DNAJB1: variants seen among roughly 807,000 people sequenced by gnomAD.
The protein encoded by DNAJB1 is dnaJ homolog subfamily B member 1.
In DNAJB1, 14 loss-of-function variants were observed where a neutral mutation model predicts 24.0. The ratio of observed to expected loss-of-function variants is 0.58; its 90% CI spans 0.39 to 0.91. The LOEUF is 0.91. Among genes scored for constraint, DNAJB1 ranks in the 40% least tolerant of loss-of-function variants. The pLI is 0.00. For missense variants in DNAJB1, 517 were observed against 458.1 expected (o/e 1.13, Z -1.17); for synonymous variants, 262 against 174.4 (o/e 1.50, Z -3.96).
In DNAJB1 at chr19:14,516,190, G is replaced by A. The variant is rs2072257981; in HGVS notation, c.793-20C>T. On this transcript the variant is annotated intron_variant, in intron 2 of 2. Coordinates refer to ENST00000254322, the MANE Select transcript of DNAJB1 (RefSeq NM_006145.3). The stretch of plus-strand genomic sequence containing the variant: ...CAGAGCCTTGAAAAGCAAAAGGACA[G>A]CATTAGATGGAAGCTGGCTCAAGAG... 1 of 1,612,700 alleles carries A rather than the reference G, an allele frequency of 6.2e-7. No individual in the cohort carries two copies. Among genetic ancestry groups the A allele is most frequent in the Non-Finnish European group, 8.5e-7 (1 of 1,179,520 alleles).
chr19:14,547,115 AAGAG>A (rs58601549), intron 1 of DNAJB1, among the ~76,000 whole-genome samples: 75 of 152,180 alleles, frequency 4.9e-4, no homozygotes, highest in Non-Finnish European at 8.5e-4. Context: ...TCAAAGCAAA[AAGAG>A]AGCCAATGTT....
chr19:14,558,673 C>T (rs2073816249), intron 1 of DNAJB1, among the ~76,000 whole-genome samples: 2 of 152,200 alleles, frequency 1.3e-5, no homozygotes, highest in African/African-American at 4.8e-5. Flanking sequence ...TGGTCTCACC[C>T]CTTGCCCGTG....
intron 1 of DNAJB1, among the ~76,000 whole-genome samples, chr19:14,550,171 C>T (rs1022611491): frequency 2.6e-5 from 4 of 152,024 alleles, no homozygotes; most frequent in African/African-American, 7.2e-5. Flanking sequence ...CAGGGCCTGG[C>T]ATGTGTCAGT....
chr19:14,558,002 G>T (rs1181899945), intron 1 of DNAJB1, among the ~76,000 whole-genome samples: 1 of 150,488 alleles, frequency 6.6e-6, no homozygotes, highest in South Asian at 2.1e-4. Flanking sequence ...TGATTCGCCC[G>T]CCTCGGCCTC....
At chr19:14,531,201 A>T (rs2072640801), upstream of DNAJB1, 1 of 147,640 alleles carries the variant, frequency 6.8e-6, no homozygotes, top group Non-Finnish European at 1.5e-5. Flanking sequence ...TGCCCGGCTA[A>T]TTTTTTGTAT....
upstream of DNAJB1, among the ~76,000 whole-genome samples, chr19:14,518,705 T>C (rs1599382766): frequency 6.6e-6 from 1 of 152,086 alleles, no homozygotes; most frequent in Non-Finnish European, 1.5e-5. Flanking sequence ...CGGCCCCAGC[T>C]ACCCTGCGTC....
chr19:14,521,509 G>A (rs2072359716), upstream of DNAJB1, among the ~76,000 whole-genome samples: 1 of 149,932 alleles, frequency 6.7e-6, no homozygotes, highest in Non-Finnish European at 1.5e-5. Context: ...TTGACACACT[G>A]GAGGGGAACA....
At chr19:14,560,143 C>T (rs1291464170) in exon 1 of DNAJB1, among the ~76,000 whole-genome samples, 2 of 152,230 alleles carry the variant, frequency 1.3e-5, no homozygotes. Flanking sequence ...CGCAGCCCGG[C>T]GTCCTCTCCC....
At chr19:14,551,977 CTCT>C (rs2073538064), upstream of DNAJB1, among the ~76,000 whole-genome samples, 1 of 111,234 alleles carries the variant, frequency 9.0e-6, no homozygotes, top group Non-Finnish European at 1.8e-5. Context: ...CTCTCTTTCT[CTCT>C]TTTTTTTTTT....
At chr19:14,555,464 T>TTA in intron 1 of DNAJB1, among the ~76,000 whole-genome samples, 2 of 136,534 alleles carry the variant, frequency 1.5e-5, no homozygotes, top group Non-Finnish European at 3.1e-5. Context: ...TTTTTTTTTT[T>TTA]AGACAGAGCC....
chr19:14,550,019 T>A (rs1302437638), intron 1 of DNAJB1, among the ~76,000 whole-genome samples: 1 of 152,066 alleles, frequency 6.6e-6, no homozygotes. Context: ...CCTTTCTTTC[T>A]TCTTTCCATG....
chr19:14,555,049 T>C (rs1396250921), upstream of DNAJB1, among the ~76,000 whole-genome samples: 1 of 151,790 alleles, frequency 6.6e-6, no homozygotes. Context: ...AGTGCTGGGA[T>C]TACAGGCGTG....
chr19:14,540,903 C>T (rs998395137), intron 1 of DNAJB1, among the ~76,000 whole-genome samples: 12 of 151,886 alleles, frequency 7.9e-5, no homozygotes, highest in African/African-American at 2.7e-4. Flanking sequence ...AGAGTGATCT[C>T]GATTCACTGC....
chr19:14,543,417 ATATTTTTTTTTTTTTTTTTTT>A (rs1319966959), intron 1 of DNAJB1, among the ~76,000 whole-genome samples: 4 of 9,988 alleles, frequency 4.0e-4, no homozygotes, highest in Admixed American at 1.5e-3. Flanking sequence ...ATATATATAT[ATATTTTTTTTTTTTTTTTTTT>A]TTTTTTTTTT....
chr19:14,552,165 CTTTTTTCTTTT>C (rs1266318487), upstream of DNAJB1, among the ~76,000 whole-genome samples: 2 of 142,242 alleles, frequency 1.4e-5, no homozygotes, highest in African/African-American at 2.7e-5. Flanking sequence ...TTCTTTCTTT[CTTTTTTCTTTT>C]TTTTTTTTTT....
At chr19:14,554,505 G>A (rs139350264), upstream of DNAJB1, among the ~76,000 whole-genome samples, 1 of 152,292 alleles carries the variant, frequency 6.6e-6, no homozygotes, top group Non-Finnish European at 1.5e-5. Context: ...TTTACAGCCG[G>A]GAGAGGACTG....
chr19:14,556,219 G>A (rs1177553310), intron 1 of DNAJB1, among the ~76,000 whole-genome samples: 1 of 152,094 alleles, frequency 6.6e-6, no homozygotes, highest in Non-Finnish European at 1.5e-5. Flanking sequence ...TCCAGCCTCA[G>A]GGCCTTGGCA....
At chr19:14,549,276 G>C (rs1324540872) in intron 1 of DNAJB1, among the ~76,000 whole-genome samples, 1 of 148,268 alleles carries the variant, frequency 6.7e-6, no homozygotes, top group Non-Finnish European at 1.5e-5. Context: ...GCAGTGGTGC[G>C]ATCTCAGCTC....
upstream of DNAJB1, among the ~76,000 whole-genome samples, chr19:14,519,128 G>A (rs1438508439): frequency 5.3e-5 from 8 of 152,232 alleles, no homozygotes; most frequent in Non-Finnish European, 1.0e-4. Context: ...AGCATTTTGG[G>A]AGGCCGAGGC....
Sources: allele counts gnomAD v4.1 joint callset (sites outside exome capture counted in the v4.1 genomes callset), GRCh38; gene constraint gnomAD v4.1.1; transcripts MANE v1.5; gene names NCBI Gene and HGNC (gene_info 2026-07-23, HGNC 2026-07-21).